Variants in CLASP2 observed in about 807,000 individuals in gnomAD.
CLASP2 encodes cytoplasmic linker associated protein 2, also known as CLIP-associating protein 2.
A neutral mutation model predicts 194.4 loss-of-function variants in CLASP2; 47 were observed. That is an observed-to-expected ratio of 0.24 (90% CI 0.19 to 0.31). The LOEUF is 0.31. CLASP2 is among the 10% of genes least tolerant of loss of function. CLASP2 has a pLI of 1.00. For missense variants in CLASP2, 1,445 were observed against 1,823.6 expected (o/e 0.79, Z 3.78); for synonymous variants, 619 against 633.5 (o/e 0.98, Z 0.34).
chr3:33,571,015 A>ATTTTTTTCTTTTTTTTTTTTTTT (rs2063632762), intron 25 of CLASP2, among the ~76,000 whole-genome samples: 1 of 123,942 alleles, frequency 8.1e-6, no homozygotes, highest in African/African-American at 2.9e-5. Context: ...GTCTCTATAA[A>ATTTTTTTCTTTTTTTTTTTTTTT]TTTTTTTTTT....
At chr3:33,503,562 C>T (rs1334104511) in intron 37 of CLASP2, 5 of 151,696 alleles carry the variant, frequency 3.3e-5, no homozygotes, top group African/African-American at 9.7e-5. Flanking sequence ...CACATAGCTG[C>T]GATTACAGGC....
intron 5 of CLASP2, among the ~76,000 whole-genome samples, chr3:33,685,576 T>C (rs1354078300): frequency 2.6e-5 from 4 of 151,904 alleles, no homozygotes; most frequent in East Asian, 3.9e-4. Context: ...CACAGATAAA[T>C]GGATAAACCA....
At chr3:33,642,702 C>T (rs1344325134) in intron 8 of CLASP2, among the ~76,000 whole-genome samples, 3 of 151,644 alleles carry the variant, frequency 2.0e-5, no homozygotes, top group Non-Finnish European at 4.4e-5. Context: ...AAGTCTTTGC[C>T]AAGACCAAAA....
intron 7 of CLASP2, chr3:33,659,275 G>GA (rs1370518075): frequency 1.6e-6 from 2 of 1,214,100 alleles, no homozygotes; most frequent in African/African-American, 3.1e-5. Context: ...TACAGGTTAT[G>GA]ATGTTTCTCC....
rs530333171 is a variant in CLASP2, at chr3:33,520,005, T to C, written c.3788-2831A>G. On this transcript the variant is annotated intron_variant, in intron 34 of 38. Transcript: ENST00000682230. ...TTTTGGCTTTATGATATTTTTGATATGTTATCTCTCTCTTTTCTTTTTTTC... is the reference window on the plus strand; with the variant it reads ...TTTTGGCTTTATGATATTTTTGATACGTTATCTCTCTCTTTTCTTTTTTTC... Among the ~76,000 whole-genome samples, 213 of 152,294 alleles carry C rather than the reference T, an allele frequency of 1.4e-3. 1 individual carries two copies. Among genetic ancestry groups the C allele is most frequent in the Non-Finnish European group, 2.3e-3 (158 of 68,020 alleles).
intron 7 of CLASP2, among the ~76,000 whole-genome samples, chr3:33,651,792 T>C (rs2154320443): frequency 6.6e-6 from 1 of 152,016 alleles, no homozygotes; most frequent in South Asian, 2.1e-4. Flanking sequence ...CCTAAGTAGC[T>C]GGGATTACAG....
chr3:33,578,018 G>A (rs938109403), intron 23 of CLASP2, among the ~76,000 whole-genome samples: 1 of 152,170 alleles, frequency 6.6e-6, no homozygotes, highest in African/African-American at 2.4e-5. Context: ...AACAAACTAA[G>A]ATGAGGAAGC....
rs1559731689 is a variant in CLASP2, at chr3:33,498,576, G to C, written c.*55C>G. ...TTTGAGAACTTCCTTTCATTGATGA[G>C]GGTGGTCTATCTGTCCTTTCTTTTG... is the stretch of plus-strand genomic sequence containing the variant. On this transcript the variant is annotated 3_prime_UTR_variant, in exon 39 of 39. Coordinates refer to ENST00000682230, the MANE Select transcript of CLASP2 (RefSeq NM_001365631.1). 9 of 1,072,862 alleles carry C rather than the reference G, an allele frequency of 8.4e-6. No homozygotes were observed. Among genetic ancestry groups the C allele is most frequent in the Non-Finnish European group, 1.0e-5 (7 of 699,802 alleles). The allele number at this position is 1,072,862 out of a possible 1,614,324, so 66.5% of individuals were successfully genotyped here.
intron 12 of CLASP2, among the ~76,000 whole-genome samples, chr3:33,614,820 G>A (rs924919068): frequency 4.6e-5 from 7 of 151,990 alleles, no homozygotes; most frequent in African/African-American, 7.2e-5. Context: ...GTGAAACTTC[G>A]CCTCTACTAA....
At chr3:33,659,173 A>C (rs2084855106) in intron 7 of CLASP2, 1 of 1,377,106 alleles carries the variant, frequency 7.3e-7, no homozygotes, top group Non-Finnish European at 9.4e-7. Flanking sequence ...TCAAAATAAA[A>C]GTCTGGGGTC....
chr3:33,704,499 C>G (rs1412796159), intron 1 of CLASP2, among the ~76,000 whole-genome samples: 1 of 152,142 alleles, frequency 6.6e-6, no homozygotes, highest in African/African-American at 2.4e-5. Context: ...TGCCTGTAAT[C>G]CCAGCACTTT....
rs576407543 is a variant in CLASP2 at position 33,570,594 on chromosome 3, CAATTTT to C, written c.2763+127_2763+132del. 5.7e-3 allele frequency: 6,554 copies of C among 1,159,650 alleles called. 27 individuals carry two copies. Among genetic ancestry groups the C allele is most frequent in the Non-Finnish European group, 6.5e-3 (5,278 of 808,668 alleles). 71.8% of individuals were successfully genotyped at this position (1,159,650 alleles called of 1,614,324 possible). A position where few individuals can be genotyped will look rare whatever the true frequency, so the allele number is the denominator to read the frequency against. On this transcript the variant is annotated intron_variant, in intron 26 of 38. Coordinates refer to ENST00000682230, the MANE Select transcript of CLASP2 (RefSeq NM_001365631.1). ...TTTCTAAATTACGTATGATACCAAA[CAATTTT>C]AATTATGCTTGAAAATATTACTGCC... is the stretch of plus-strand genomic sequence containing the variant.
At chr3:33,695,142 C>G (rs1165433145) in intron 2 of CLASP2, among the ~76,000 whole-genome samples, 1 of 149,884 alleles carries the variant, frequency 6.7e-6, no homozygotes, top group Non-Finnish European at 1.5e-5. Context: ...TCATTGTAAC[C>G]TTGAAATCCT....
intron 29 of CLASP2, chr3:33,558,241 G>A (rs889704497): frequency 6.6e-6 from 1 of 152,092 alleles, no homozygotes; most frequent in Non-Finnish European, 1.5e-5. Context: ...CTTTCTCCTG[G>A]ATGCATCCTC....
chr3:33,655,758 CAT>C (rs1396602761), intron 7 of CLASP2, among the ~76,000 whole-genome samples: 1 of 152,110 alleles, frequency 6.6e-6, no homozygotes. Flanking sequence ...TATATACACA[CAT>C]ACCAAGTTAT....
intron 6 of CLASP2, among the ~76,000 whole-genome samples, chr3:33,682,404 C>A (rs2089995147): frequency 6.6e-6 from 1 of 152,010 alleles, no homozygotes; most frequent in South Asian, 2.1e-4. Flanking sequence ...TAGGGTGTAA[C>A]ACAAAAAACT....
At chr3:33,592,202 GA>G in intron 21 of CLASP2, 192 bp downstream of exon 21, 1 of 706,142 alleles carries the variant, frequency 1.4e-6, no homozygotes, top group Non-Finnish European at 2.6e-6. Context: ...CCAAAACATT[GA>G]AAAAAATACC....
At chr3:33,706,083 T>C (rs1188229755) in intron 1 of CLASP2, among the ~76,000 whole-genome samples, 2 of 151,976 alleles carry the variant, frequency 1.3e-5, no homozygotes, top group South Asian at 2.1e-4. Context: ...CAAGACCCCA[T>C]CTCTACAAGA....
At position 33,546,158 on chromosome 3, in the gene CLASP2, T is replaced by A. The variant is rs546897452; in HGVS notation, c.3154-1317A>T. Reference sequence around the variant, plus strand: ...TATACTTTATTCCATCTAGTTTACTTTGGTTTGGAGATTCAGCTTTATTTC... The same window carrying A: ...TATACTTTATTCCATCTAGTTTACTATGGTTTGGAGATTCAGCTTTATTTC... On this transcript the variant is annotated intron_variant, in intron 30 of 38. Transcript: ENST00000682230. Among the ~76,000 whole-genome samples, 101 of 152,350 alleles carry A rather than the reference T, an allele frequency of 6.6e-4. 1 individual carries two copies. The highest frequency in any genetic ancestry group is 2.3e-3 in the African/African-American group (97 of 41,578).
Sources: allele counts gnomAD v4.1 joint callset (sites outside exome capture counted in the v4.1 genomes callset), GRCh38; gene constraint gnomAD v4.1.1; transcripts MANE v1.5; gene names NCBI Gene and HGNC (gene_info 2026-07-23, HGNC 2026-07-21).